CCDC85A: variants seen among roughly 807,000 people sequenced by gnomAD.
The protein encoded by CCDC85A is coiled-coil domain-containing protein 85A.
In CCDC85A, 38 loss-of-function variants were observed where a neutral mutation model predicts 50.2. The ratio of observed to expected loss-of-function variants is 0.76; its 90% CI spans 0.58 to 0.99. The LOEUF (loss-of-function observed/expected upper bound fraction) is 0.99, where lower values mean the gene tolerates loss of function less well. Ranked by LOEUF, CCDC85A falls within the 50% of genes least tolerant of loss-of-function variation. CCDC85A has a pLI of 0.00. For synonymous variants in CCDC85A, 366 were observed against 301.4 expected, an observed-to-expected ratio of 1.21 and a Z score of -2.22; for missense variants, 820 against 742.0, an observed-to-expected ratio of 1.11 and a Z score of -1.22.
At chr2:56,286,462 G>T (rs895157047) in intron 2 of CCDC85A, among the ~76,000 whole-genome samples, 2 of 152,032 alleles carry the variant, frequency 1.3e-5, no homozygotes, top group East Asian at 3.9e-4. Flanking sequence ...CTATTGATTT[G>T]TCTTCCAACT....
At chr2:56,316,856 T>C (rs17047791) in intron 2 of CCDC85A, among the ~76,000 whole-genome samples, 15,108 of 152,226 alleles carry the variant, frequency 0.099, 1,065 homozygotes, top group Admixed American at 0.19. Context: ...GCAGGCATCA[T>C]TGACATTTAT....
intron 2 of CCDC85A, among the ~76,000 whole-genome samples, chr2:56,342,458 T>C (rs1422505596): frequency 6.6e-6 from 1 of 152,166 alleles, no homozygotes; most frequent in Non-Finnish European, 1.5e-5. Flanking sequence ...TTTTGCCCTG[T>C]TCTAAGTGTG....
At chr2:56,223,083 A>G (rs1429017205) in intron 2 of CCDC85A, among the ~76,000 whole-genome samples, 1 of 152,190 alleles carries the variant, frequency 6.6e-6, no homozygotes, top group East Asian at 1.9e-4. Flanking sequence ...TAAAGACAGT[A>G]GTCCACAAAG....
chr2:56,215,384 G>T (rs1482457498), intron 2 of CCDC85A, among the ~76,000 whole-genome samples: 1 of 151,720 alleles, frequency 6.6e-6, no homozygotes, highest in East Asian at 1.9e-4. Flanking sequence ...CTATTTATTT[G>T]CTTTTTTAGT....
intron 2 of CCDC85A, among the ~76,000 whole-genome samples, chr2:56,206,136 G>T (rs1461509467): frequency 6.6e-6 from 1 of 152,124 alleles, no homozygotes; most frequent in Non-Finnish European, 1.5e-5. Flanking sequence ...TTTGGAAAGT[G>T]AGTCAAGGCC....
chr2:56,222,751 G>C (rs71414581), intron 2 of CCDC85A, among the ~76,000 whole-genome samples: 280 of 152,270 alleles, frequency 1.8e-3, no homozygotes, highest in Non-Finnish European at 3.1e-3. Flanking sequence ...TAAAGAGACA[G>C]ATGTAACCAA....
chr2:56,279,143 G>A (rs1234101589), intron 2 of CCDC85A, among the ~76,000 whole-genome samples: 1 of 152,166 alleles, frequency 6.6e-6, no homozygotes, highest in African/African-American at 2.4e-5. Context: ...CTGTGAACTA[G>A]AAAGTTGACC....
intron 2 of CCDC85A, among the ~76,000 whole-genome samples, chr2:56,332,679 C>A (rs1673872541): frequency 7.4e-6 from 1 of 135,088 alleles, no homozygotes; most frequent in South Asian, 2.9e-4. Context: ...CTCACTGCCC[C>A]CCCTTTTCCC....
intron 2 of CCDC85A, among the ~76,000 whole-genome samples, chr2:56,309,503 T>G (rs1267673320): frequency 6.6e-6 from 1 of 152,166 alleles, no homozygotes; most frequent in Non-Finnish European, 1.5e-5. Context: ...ATAATGGTGA[T>G]CCTAAGTGAG....
At chr2:56,189,464 G>A (rs11694431) in intron 1 of CCDC85A, among the ~76,000 whole-genome samples, 23,252 of 151,478 alleles carry the variant, frequency 0.15, 2,225 homozygotes, top group Non-Finnish European at 0.22. Flanking sequence ...GCTAATTTTT[G>A]TATTTTTAGT....
Position 56,184,246 on chromosome 2 carries a change from G to C in CCDC85A, c.-379G>C. 6 of 951,678 alleles carry C rather than the reference G, an allele frequency of 6.3e-6. No individual in the cohort carries two copies. The highest frequency in any genetic ancestry group is 9.3e-5 in the East Asian group (1 of 10,754). The allele number at this position is 951,678 out of a possible 1,614,324, so 59.0% of individuals were successfully genotyped here. On this transcript the variant is annotated 5_prime_UTR_variant, in exon 1 of 6. Transcript: ENST00000407595. ...GTGTGCAGGGCAGAGAGTGCGGGGG[G>C]CGACAGTCTCGGCTTAGGGCGGAGG...
At chr2:56,337,218 A>C (rs1448213876) in intron 2 of CCDC85A, among the ~76,000 whole-genome samples, 2 of 152,228 alleles carry the variant, frequency 1.3e-5, no homozygotes, top group South Asian at 2.1e-4. Context: ...GAACTTTTAC[A>C]CATAGGTTCA....
At chr2:56,190,652 G>A (rs1238711152) in intron 1 of CCDC85A, among the ~76,000 whole-genome samples, 1 of 152,076 alleles carries the variant, frequency 6.6e-6, no homozygotes, top group African/African-American at 2.4e-5. Flanking sequence ...CAGGTGAGAG[G>A]GAAAGGCCTT....
intron 2 of CCDC85A, among the ~76,000 whole-genome samples, chr2:56,285,281 T>C (rs1671384597): frequency 6.6e-6 from 1 of 151,292 alleles, no homozygotes; most frequent in Non-Finnish European, 1.5e-5. Flanking sequence ...TTTTTGTGTT[T>C]TTCATAGAGA....
chr2:56,250,841 G>C (rs1474536251), intron 2 of CCDC85A, among the ~76,000 whole-genome samples: 1 of 152,134 alleles, frequency 6.6e-6, no homozygotes, highest in Non-Finnish European at 1.5e-5. Flanking sequence ...AAGTACATTT[G>C]AAAGACTTTG....
chr2:56,258,480 A>C (rs1359525669), intron 2 of CCDC85A, among the ~76,000 whole-genome samples: 1 of 152,124 alleles, frequency 6.6e-6, no homozygotes, highest in Non-Finnish European at 1.5e-5. Flanking sequence ...ATATGGCCTG[A>C]GCTTGGCCTG....
chr2:56,331,880 T>G (rs1246596477), intron 2 of CCDC85A, among the ~76,000 whole-genome samples: 1 of 152,170 alleles, frequency 6.6e-6, no homozygotes, highest in East Asian at 1.9e-4. Flanking sequence ...CCTTTGAAAA[T>G]TTTAGATTTT....
At chr2:56,305,741 A>G (rs568497212) in intron 2 of CCDC85A, among the ~76,000 whole-genome samples, 2 of 152,338 alleles carry the variant, frequency 1.3e-5, no homozygotes, top group African/African-American at 4.8e-5. Context: ...GCTGGTTTAT[A>G]TGCTTAAAAT....
At chr2:56,196,076 C>G (rs940184713) in intron 2 of CCDC85A, among the ~76,000 whole-genome samples, 2 of 152,116 alleles carry the variant, frequency 1.3e-5, no homozygotes, top group African/African-American at 4.8e-5. Flanking sequence ...AAATATTGAA[C>G]TCATTCAAGA....
Sources: allele counts gnomAD v4.1 joint callset (sites outside exome capture counted in the v4.1 genomes callset), GRCh38; gene constraint gnomAD v4.1.1; transcripts MANE v1.5; gene names NCBI Gene and HGNC (gene_info 2026-07-23, HGNC 2026-07-21).